The following GRIP1 variants were observed in gnomAD, a reference collection of about 807,000 sequenced individuals.
GRIP1 encodes glutamate receptor interacting protein 1.
A neutral mutation model predicts 129.9 loss-of-function variants in GRIP1; 45 were observed. That is an observed-to-expected ratio of 0.35 (90% CI 0.27 to 0.44). The LOEUF (loss-of-function observed/expected upper bound fraction) is 0.44. Ranked by LOEUF, GRIP1 falls within the 20% of genes least tolerant of loss-of-function variation. The probability of loss-of-function intolerance (pLI) is 1.00; values close to 1 mark genes in which losing one functional copy is unlikely to be tolerated. For synonymous variants in GRIP1, 530 were observed against 520.8 expected, an observed-to-expected ratio of 1.02 and a Z score of -0.24; for missense variants, 1,196 against 1,396.8, an observed-to-expected ratio of 0.86 and a Z score of 2.29.
chr12:66,707,498 C>T (rs541309131), intron 1 of GRIP1, among the ~76,000 whole-genome samples: 1 of 121,828 alleles, frequency 8.2e-6, no homozygotes, highest in South Asian at 2.7e-4. Flanking sequence ...GCGCCAATCA[C>T]TGACTAAAAA....
At chr12:66,564,266 T>C (rs1471233661) in intron 2 of GRIP1, 1 of 125,918 alleles carries the variant, frequency 7.9e-6, no homozygotes, top group Non-Finnish European at 1.7e-5. Flanking sequence ...CCTAATGCTA[T>C]CCCTCCCCCC....
chr12:66,904,410 A>G (rs1455791924), intron 1 of GRIP1, among the ~76,000 whole-genome samples: 1 of 152,238 alleles, frequency 6.6e-6, no homozygotes, highest in Non-Finnish European at 1.5e-5. Flanking sequence ...TGGAAAATCA[A>G]TTGATCTGAG....
intron 1 of GRIP1, among the ~76,000 whole-genome samples, chr12:66,790,168 A>G (rs2038484222): frequency 6.6e-6 from 1 of 152,180 alleles, no homozygotes; most frequent in African/African-American, 2.4e-5. Flanking sequence ...CATTTTAGGG[A>G]AAAGATATCA....
intron 24 of GRIP1, among the ~76,000 whole-genome samples, chr12:66,351,070 G>A (rs935848060): frequency 6.6e-6 from 1 of 152,112 alleles, no homozygotes; most frequent in African/African-American, 2.4e-5. Flanking sequence ...GCATGTCTGC[G>A]GAAAACTAAG....
At chr12:66,496,481 T>G (rs527862579) in intron 7 of GRIP1, among the ~76,000 whole-genome samples, 1 of 152,262 alleles carries the variant, frequency 6.6e-6, no homozygotes, top group African/African-American at 2.4e-5. Flanking sequence ...GAACACAAGG[T>G]CATACAGGCC....
At position 66,399,070 on chromosome 12, in the gene GRIP1, C is replaced by T. The variant is rs75329701; in HGVS notation, c.1985-4718G>A. Among the ~76,000 whole-genome samples, 1,264 of 151,998 alleles carry T rather than the reference C, an allele frequency of 8.3e-3. 13 individuals carry two copies. Among genetic ancestry groups the T allele is most frequent in the Non-Finnish European group, 0.013 (917 of 68,028 alleles). On this transcript the variant is annotated intron_variant, in intron 16 of 24. Transcript: ENST00000359742. Reference sequence around the variant, plus strand: ...GGCTGAGATCTCCAGAAGAGTATTGCGAGTCAGCTTCCCTGCTATGCCAAG... The same window carrying T: ...GGCTGAGATCTCCAGAAGAGTATTGTGAGTCAGCTTCCCTGCTATGCCAAG...
rs779521198 is a variant in GRIP1 at position 66,371,875 on chromosome 12, G to A, written c.2831C>T (p.Pro944Leu). 1.9e-6 allele frequency: 3 copies of A among 1,613,440 alleles called. No individual in the cohort carries two copies. The South Asian group carries it at 3.3e-5, about 18-fold the overall frequency. The part of the protein sequence containing the change: ...TMSLNHEAPT[P>L]RSQLGRQASF... ...GGCCTGTCGCCCCAGCTGACTGCGAGGTGTTGGAGCCTCATGATTCAAACT... is the reference window on the plus strand; with the variant it reads ...GGCCTGTCGCCCCAGCTGACTGCGAAGTGTTGGAGCCTCATGATTCAAACT... Residue 944 changes from proline to leucine, a missense_variant, in exon 23 of 25, where the codon CCT (proline) becomes CTT (leucine). Pro to Leu is a moderately conservative substitution (Grantham distance 98). Around this residue, in one of 5 missense-constraint regions of GRIP1, gnomAD observed 427 missense variants for 463.3 expected, o/e 0.92. Transcript: ENST00000359742.
chr12:66,800,079 T>C (rs754185758), intron 1 of GRIP1, among the ~76,000 whole-genome samples: 1 of 152,098 alleles, frequency 6.6e-6, no homozygotes, highest in South Asian at 2.1e-4. Context: ...TACACACACA[T>C]CACAATTACT....
intron 16 of GRIP1, among the ~76,000 whole-genome samples, chr12:66,394,920 A>C (rs976526134): frequency 6.6e-6 from 1 of 152,234 alleles, no homozygotes; most frequent in South Asian, 2.1e-4. Context: ...AATCTCTTAG[A>C]TATCATTCCA....
At chr12:66,662,812 C>T (rs77035606) in intron 1 of GRIP1, among the ~76,000 whole-genome samples, 2,061 of 152,180 alleles carry the variant, frequency 0.014, 57 homozygotes, top group African/African-American at 0.048. Flanking sequence ...TTTCCACTGT[C>T]GATTACTGCT....
intron 5 of GRIP1, among the ~76,000 whole-genome samples, chr12:66,525,799 A>T (rs943511088): frequency 6.6e-6 from 1 of 152,162 alleles, no homozygotes; most frequent in Non-Finnish European, 1.5e-5. Flanking sequence ...CTCAGCCCAA[A>T]ATCTCCTTAA....
chr12:66,490,449 C>T (rs920433550), intron 7 of GRIP1, among the ~76,000 whole-genome samples: 4 of 152,138 alleles, frequency 2.6e-5, no homozygotes, highest in Non-Finnish European at 5.9e-5. Context: ...AAACTGGACT[C>T]CTTCCTTACA....
intron 23 of GRIP1, among the ~76,000 whole-genome samples, chr12:66,367,600 A>C (rs923179735): frequency 1.3e-5 from 2 of 152,240 alleles, no homozygotes; most frequent in African/African-American, 4.8e-5. Context: ...CCTACTAGTA[A>C]GTCTTGAAGT....
chr12:66,636,093 G>A (rs912988360), intron 1 of GRIP1, among the ~76,000 whole-genome samples: 1 of 152,146 alleles, frequency 6.6e-6, no homozygotes, highest in Admixed American at 6.6e-5. Context: ...AAGGAAGAAA[G>A]TCTTGTCACA....
At chr12:66,861,155 T>C (rs2040104929) in intron 1 of GRIP1, among the ~76,000 whole-genome samples, 1 of 152,098 alleles carries the variant, frequency 6.6e-6, no homozygotes, top group South Asian at 2.1e-4. Context: ...AGGGTAATGA[T>C]ACATAATAAT....
chr12:66,637,428 C>T (rs1361812795), intron 1 of GRIP1, among the ~76,000 whole-genome samples: 2 of 151,620 alleles, frequency 1.3e-5, no homozygotes, highest in Non-Finnish European at 2.9e-5. Flanking sequence ...ATACTACATA[C>T]TCTTATTTTA....
chr12:66,671,036 T>A (rs2034055395), intron 1 of GRIP1, among the ~76,000 whole-genome samples: 1 of 152,132 alleles, frequency 6.6e-6, no homozygotes, highest in Non-Finnish European at 1.5e-5. Context: ...ACCTGGGGAA[T>A]GTGTTAAAAT....
chr12:67,029,103 CA>C (rs920693783), intron 1 of GRIP1, among the ~76,000 whole-genome samples: 16 of 151,584 alleles, frequency 1.1e-4, no homozygotes, highest in African/African-American at 3.6e-4. Context: ...ACTGTCTCTA[CA>C]AAAAAAATAA....
At chr12:66,603,236 G>A (rs1222227874) in intron 1 of GRIP1, among the ~76,000 whole-genome samples, 2 of 151,336 alleles carry the variant, frequency 1.3e-5, no homozygotes, top group Admixed American at 1.3e-4. Context: ...CAAATATAGA[G>A]TGGTTTCTTC....
Sources: gnomAD v4.1 joint callset for allele counts (sites outside exome capture counted in the v4.1 genomes callset) on GRCh38, gnomAD v4.1.1 for gene constraint, gnomAD v4.1.1 regional missense constraint, MANE v1.5 for transcripts, NCBI Gene and HGNC (gene_info 2026-07-23, HGNC 2026-07-21) for gene names.